HIVEP2: variants seen among roughly 807,000 people sequenced by gnomAD.
HIVEP2 encodes transcription factor HIVEP2.
In HIVEP2, 14 loss-of-function variants were observed where a neutral mutation model predicts 180.7. The observed-to-expected ratio is 0.08, with a 90% CI of 0.05 to 0.12. HIVEP2 has a LOEUF of 0.12. Among genes scored for constraint, HIVEP2 ranks in the 10% least tolerant of loss-of-function variants. HIVEP2 has a pLI of 1.00. For missense variants in HIVEP2, 2,579 were observed against 3,008.5 expected (o/e 0.86, Z 3.34); for synonymous variants, 1,184 against 1,136.4 (o/e 1.04, Z -0.84).
Position 142,772,448 on chromosome 6 carries a change from T to A in HIVEP2, c.2291A>T (p.Gln764Leu). Residue 764 changes from glutamine to leucine, a missense_variant, in exon 5 of 10, where the codon CAA becomes CTA. Transcript: ENST00000367603. This position sits in a 1 kb window ranked among gnomAD's most constrained non-coding sequence, Gnocchi z 4.9. ...AAGAGATGGACTTCCAGGCTGCAGT[T>A]GGGGCCGACATGGGTCAAAGCGTTC... ...HTERFDPCRPQLQPGSPSLVS... is the reference protein window; with the variant it reads ...HTERFDPCRPLLQPGSPSLVS... The A allele has an allele frequency of 6.2e-7, 1 of 1,614,186 alleles. No homozygotes were observed. Among genetic ancestry groups the A allele is most frequent in the Non-Finnish European group, 8.5e-7 (1 of 1,180,036 alleles).
chr6:142,759,697 T>C, intron 9 of HIVEP2, 75 bp downstream of exon 9: 1 of 1,179,614 alleles, frequency 8.5e-7, no homozygotes, highest in Non-Finnish European at 1.2e-6. Context: ...TCTACTAAAC[T>C]TCACACCAGT....
chr6:142,843,190 G>C (rs929501528), intron 1 of HIVEP2, among the ~76,000 whole-genome samples: 1 of 152,124 alleles, frequency 6.6e-6, no homozygotes, highest in Non-Finnish European at 1.5e-5. Context: ...AAAGTTCCCA[G>C]GTGATAAGTT....
At chr6:142,811,717 C>A (rs554750271) in intron 2 of HIVEP2, among the ~76,000 whole-genome samples, 1 of 152,308 alleles carries the variant, frequency 6.6e-6, no homozygotes, top group African/African-American at 2.4e-5. Flanking sequence ...CAGACCTCAC[C>A]CCCCATGTTA....
chr6:142,766,467 C>T (rs774434006), intron 6 of HIVEP2, among the ~76,000 whole-genome samples: 1 of 152,054 alleles, frequency 6.6e-6, no homozygotes, highest in Admixed American at 6.6e-5. Flanking sequence ...ATTCTCTGCC[C>T]CTAACTAGAT....
At chr6:142,811,882 C>T (rs1776708550) in intron 2 of HIVEP2, among the ~76,000 whole-genome samples, 1 of 152,198 alleles carries the variant, frequency 6.6e-6, no homozygotes, top group Non-Finnish European at 1.5e-5. Context: ...GCCAGATTTA[C>T]CCTCCTGCCT....
chr6:142,798,363 T>A (rs1562238514), intron 2 of HIVEP2, among the ~76,000 whole-genome samples: 1 of 152,198 alleles, frequency 6.6e-6, no homozygotes, highest in South Asian at 2.1e-4. Flanking sequence ...ACACCACCAC[T>A]GTATTGTTGC....
Position 142,771,727 on chromosome 6 carries a change from T to C in HIVEP2, c.3012A>G (p.Ser1004=), listed in dbSNP as rs371798868. Residue 1004 remains serine (S), a synonymous_variant, in exon 5 of 10, where the codon TCA becomes TCG. Coordinates refer to ENST00000367603, the MANE Select transcript of HIVEP2 (RefSeq NM_006734.4). The surrounding 1 kb of genome is among the most constrained non-coding windows in gnomAD (Gnocchi z 5.4). ...AACCAGCAGGGACAGTCAGAAACTC[T>C]GAATGCTTCCCAAACTCATCCTGCT... is the stretch of plus-strand genomic sequence containing the variant. ...LPKQDEFGKH[S]EFLTVPAGSY... 1.2e-6 allele frequency: 2 copies of C among 1,614,094 alleles called. No individual in the cohort carries two copies. Among genetic ancestry groups the C allele is most frequent in the African/African-American group, 2.7e-5 (2 of 74,926 alleles).
chr6:142,904,707 A>G (rs903950568), intron 1 of HIVEP2, among the ~76,000 whole-genome samples: 2 of 152,236 alleles, frequency 1.3e-5, no homozygotes, highest in Non-Finnish European at 1.5e-5. Flanking sequence ...ACAAAGGAAC[A>G]TAAGAATATT....
Position 142,810,274 on chromosome 6 carries a change from A to C in HIVEP2, c.-527-26659T>G, listed in dbSNP as rs570506557. On this transcript the variant is annotated intron_variant, in intron 2 of 9. Coordinates refer to ENST00000367603, the MANE Select transcript of HIVEP2 (RefSeq NM_006734.4). ...AAATGTTGATATATTTTTTTCAATG[A>C]CTATACGTATATATTGTTTTTAATT... 1.4e-4 allele frequency among the ~76,000 whole-genome samples: 22 copies of C among 152,254 alleles called. No homozygotes were observed. The South Asian group carries it at 4.6e-3, about 32-fold the overall frequency.
chr6:142,945,584 C>A (rs1778308274), upstream of HIVEP2, among the ~76,000 whole-genome samples: 1 of 152,182 alleles, frequency 6.6e-6, no homozygotes, highest in African/African-American at 2.4e-5. This position sits in a 1 kb window ranked among gnomAD's most constrained non-coding sequence, Gnocchi z 5.5. Context: ...GCACCCCAGA[C>A]GCGAGACGTG....
intron 1 of HIVEP2, among the ~76,000 whole-genome samples, chr6:142,906,069 G>A (rs1030612501): frequency 2.0e-5 from 3 of 152,182 alleles, no homozygotes; most frequent in Non-Finnish European, 4.4e-5. Flanking sequence ...GGGAGGTGGA[G>A]GTTGCAGTAA....
rs1384383961 is a variant in HIVEP2, at chr6:142,846,275, G to GA, written c.-640-9229dup. Among the ~76,000 whole-genome samples, 94 of 143,280 alleles carry GA rather than the reference G, an allele frequency of 6.6e-4. 2 individuals are homozygous for GA. Among genetic ancestry groups the GA allele is most frequent in the Middle Eastern group, 3.6e-3 (1 of 280 alleles). 94.0% of individuals were successfully genotyped at this position (143,280 alleles called of 152,430 possible). A position where few individuals can be genotyped will look rare whatever the true frequency, so the allele number is the denominator to read the frequency against. Reference sequence around the variant, plus strand: ...GGGCTGTGATTTAATTTCCTTTGAAGAAAAAAAAAAAGAAAAAAGAAAAGA... The same window carrying GA: ...GGGCTGTGATTTAATTTCCTTTGAAGAAAAAAAAAAAAGAAAAAAGAAAAGA... On this transcript the variant is annotated intron_variant, in intron 1 of 9. Coordinates refer to ENST00000367603, the MANE Select transcript of HIVEP2 (RefSeq NM_006734.4).
Position 142,770,087 on chromosome 6 carries a change from A to G in HIVEP2, c.4652T>C (p.Leu1551Pro). Residue 1551 changes from leucine (L) to proline (P), a missense_variant, in exon 5 of 10, where the codon CTT becomes CCT. By Grantham distance (98) the Leu-to-Pro change is moderately conservative (BLOSUM62 -3). This residue lies in a region of HIVEP2 where 349 missense variants were observed against 367.2 expected (regional missense o/e 0.95). Transcript: ENST00000367603. The surrounding 1 kb of genome is among the most constrained non-coding windows in gnomAD (Gnocchi z 4.7). ...KEMLSGSRAP[L>P]PGQKSSGPSE... ...AGGCCCACTGGACTTCTGCCCCGGAAGTGGTGCCCGGGAACCGGAAAGCAT... is the reference window on the plus strand; with the variant it reads ...AGGCCCACTGGACTTCTGCCCCGGAGGTGGTGCCCGGGAACCGGAAAGCAT... 2 of 1,614,226 alleles carry G rather than the reference A, an allele frequency of 1.2e-6. No individual in the cohort carries two copies. The highest frequency in any genetic ancestry group is 1.7e-6 in the Non-Finnish European group (2 of 1,180,044).
At chr6:142,936,032 A>T (rs1182409408) in intron 1 of HIVEP2, among the ~76,000 whole-genome samples, 1 of 151,716 alleles carries the variant, frequency 6.6e-6, no homozygotes, top group Non-Finnish European at 1.5e-5. Flanking sequence ...AGATCATTTG[A>T]GCCCAGGAGG....
rs1355935566 is a variant in HIVEP2 at position 142,875,374 on chromosome 6, C to T, written c.-640-38327G>A. 5.3e-5 allele frequency among the ~76,000 whole-genome samples: 8 copies of T among 152,214 alleles called. No homozygotes were observed. The East Asian group carries it at 1.5e-3, about 29-fold the overall frequency. ...AAAATGAGCCCAGAGAAGCAGAGCC[C>T]TATGGGACATGGTGAATAGCTTGGA... On this transcript the variant is annotated intron_variant, in intron 1 of 9. Coordinates refer to ENST00000367603, the MANE Select transcript of HIVEP2 (RefSeq NM_006734.4).
Position 142,770,985 on chromosome 6 carries a change from G to A in HIVEP2, c.3754C>T (p.His1252Tyr), listed in dbSNP as rs1387324518. 6.2e-7 allele frequency: 1 copy of A among 1,614,070 alleles called. No individual in the cohort carries two copies. The highest frequency in any genetic ancestry group is 1.3e-5 in the African/African-American group (1 of 74,924). The change falls in exon 5 of 10, where the codon CAT (histidine) becomes TAT (tyrosine). Residue 1252 changes from histidine to tyrosine, a missense_variant. Physicochemically the swap from His to Tyr is moderately conservative, Grantham distance 83 (BLOSUM62 2). Transcript: ENST00000367603. The surrounding 1 kb of genome is among the most constrained non-coding windows in gnomAD (Gnocchi z 4.7). The stretch of plus-strand genomic sequence containing the variant: ...ACATGCTCTAAGGGATAGCTCGAAT[G>A]GATTTCTGTCTGAAAAGAGGGCTTG... Reference protein sequence around the residue: ...YGKPSFQTEIHSSYPLEHVAE... With the variant: ...YGKPSFQTEIYSSYPLEHVAE...
At chr6:142,788,856 C>T (rs927025870) in intron 2 of HIVEP2, among the ~76,000 whole-genome samples, 2 of 152,154 alleles carry the variant, frequency 1.3e-5, no homozygotes, top group Admixed American at 6.5e-5. Flanking sequence ...AGGGAATGGT[C>T]ACTCCTTTCT....
chr6:142,858,667 C>T (rs1314207617), intron 1 of HIVEP2, among the ~76,000 whole-genome samples: 3 of 152,138 alleles, frequency 2.0e-5, no homozygotes, highest in Non-Finnish European at 4.4e-5. Context: ...TCTCGGCTCA[C>T]TGCAACCTCT....
At chr6:142,889,365 A>G (rs1776795954) in intron 1 of HIVEP2, among the ~76,000 whole-genome samples, 1 of 152,132 alleles carries the variant, frequency 6.6e-6, no homozygotes, top group African/African-American at 2.4e-5. Context: ...TGGGAAGCAG[A>G]GGCGGTAAGA....
Sources: allele counts gnomAD v4.1 joint callset (sites outside exome capture counted in the v4.1 genomes callset), GRCh38; gene constraint gnomAD v4.1.1; regional missense constraint gnomAD v4.1.1; non-coding constraint Gnocchi (gnomAD v3.1); transcripts MANE v1.5; gene names NCBI Gene and HGNC (gene_info 2026-07-23, HGNC 2026-07-21).